ADD3: variants seen among roughly 807,000 people sequenced by gnomAD.
ADD3 encodes gamma-adducin.
A neutral mutation model predicts 80.2 loss-of-function variants in ADD3; 25 were observed. The observed-to-expected ratio is 0.31, with a 90% CI of 0.23 to 0.44. ADD3 has a LOEUF of 0.44. Among genes scored for constraint, ADD3 ranks in the 20% least tolerant of loss-of-function variants. The pLI is 1.00. For synonymous variants in ADD3, 284 were observed against 289.6 expected (o/e 0.98, Z 0.20); for missense variants, 829 against 847.5 (o/e 0.98, Z 0.27).
At chr10:110,088,063 T>G (rs1847024898) in intron 1 of ADD3, among the ~76,000 whole-genome samples, 1 of 152,196 alleles carries the variant, frequency 6.6e-6, no homozygotes, top group African/African-American at 2.4e-5. Flanking sequence ...GTGTCTTTTT[T>G]GTTACTTGGT....
At position 110,132,374 on chromosome 10, in the gene ADD3, C is replaced by G. The variant is rs139595633; in HGVS notation, c.1802C>G (p.Pro601Arg). The change falls in exon 14 of 15, where the codon CCG (proline) becomes CGG (arginine). Residue 601 changes from proline (P) to arginine (R), a missense_variant. Transcript: ENST00000356080. ...CAAATTCAGTCTCAAACTCAGTCAC[C>G]GCAAAATGTCCCTGAAAAATTAGAA... is the stretch of plus-strand genomic sequence containing the variant. ...VSQIQSQTQS[P>R]QNVPEKLEEN... is the part of the protein sequence containing the mutation. 4 of 1,613,204 alleles carry G rather than the reference C, an allele frequency of 2.5e-6. No individual in the cohort carries two copies. The South Asian group carries it at 4.4e-5, about 18-fold the overall frequency.
chr10:110,081,509 A>G (rs1846056391), intron 1 of ADD3, among the ~76,000 whole-genome samples: 1 of 152,220 alleles, frequency 6.6e-6, no homozygotes, highest in Non-Finnish European at 1.5e-5. Flanking sequence ...GTGTTTAAAA[A>G]GAAGGTCTTA....
At chr10:110,044,156 C>G (rs1208027040) in intron 1 of ADD3, among the ~76,000 whole-genome samples, 3 of 152,184 alleles carry the variant, frequency 2.0e-5, no homozygotes, top group Non-Finnish European at 2.9e-5. Flanking sequence ...GAGCCAAGAT[C>G]ATGCCCCTGA....
rs34106955 is a variant in ADD3, at chr10:110,134,330, C to CAAAAAAAAAA, written c.*720_*729dup. 1 of 137,324 alleles carries CAAAAAAAAAA rather than the reference C, an allele frequency of 7.3e-6. No homozygotes were observed. Among genetic ancestry groups the CAAAAAAAAAA allele is most frequent in the Non-Finnish European group, 1.6e-5 (1 of 61,136 alleles). The allele number at this position is 137,324 out of a possible 1,614,324, so 8.5% of individuals were successfully genotyped here. A position where few individuals can be genotyped will look rare whatever the true frequency, so the allele number is the denominator to read the frequency against. ...CATGGGTTATTTAGTTTAACTCTGG[C>CAAAAAAAAAA]AAAAAAAAAAAAAAAAATTTTGTAT... On this transcript the variant is annotated 3_prime_UTR_variant, in exon 15 of 15. Transcript: ENST00000356080.
intron 1 of ADD3, among the ~76,000 whole-genome samples, chr10:110,045,831 T>C (rs1856850348): frequency 6.6e-6 from 1 of 152,234 alleles, no homozygotes; most frequent in Non-Finnish European, 1.5e-5. Context: ...TTAACTCTCG[T>C]ACATACTGTA....
chr10:110,095,139 G>T (rs184827009), intron 1 of ADD3, among the ~76,000 whole-genome samples: 1 of 152,320 alleles, frequency 6.6e-6, no homozygotes, highest in African/African-American at 2.4e-5. Flanking sequence ...CTCGCCCATT[G>T]TGAGGACTAC....
chr10:110,081,680 A>G (rs1233402022), intron 1 of ADD3, among the ~76,000 whole-genome samples: 1 of 152,186 alleles, frequency 6.6e-6, no homozygotes, highest in Admixed American at 6.5e-5. Context: ...TCTGATGTAT[A>G]AAAAACTGTT....
intron 1 of ADD3, among the ~76,000 whole-genome samples, chr10:110,059,659 C>T (rs940070980): frequency 2.0e-5 from 3 of 152,058 alleles, no homozygotes; most frequent in Non-Finnish European, 2.9e-5. Context: ...GTCCCAGCTA[C>T]TCGGGAGGCT....
At chr10:110,112,642 T>C (rs1850194458) in intron 2 of ADD3, 135 bp from the exon 3 acceptor site, 2 of 1,043,844 alleles carry the variant, frequency 1.9e-6, no homozygotes, top group Non-Finnish European at 2.7e-6. Flanking sequence ...TTATTTTGTG[T>C]TTTATATTTG....
At chr10:110,056,741 T>C (rs1303491062) in intron 1 of ADD3, among the ~76,000 whole-genome samples, 1 of 152,198 alleles carries the variant, frequency 6.6e-6, no homozygotes, top group Non-Finnish European at 1.5e-5. Context: ...AGTATTGAAT[T>C]TGAAACAATT....
At chr10:110,114,820 G>A (rs1850492280) in intron 3 of ADD3, among the ~76,000 whole-genome samples, 1 of 152,136 alleles carries the variant, frequency 6.6e-6, no homozygotes, top group African/African-American at 2.4e-5. Flanking sequence ...GCTCATGTCT[G>A]TAATCCTAGC....
At chr10:110,018,526 C>CAAAAAAAAAA (rs59949041) in intron 1 of ADD3, among the ~76,000 whole-genome samples, 1 of 49,542 alleles carries the variant, frequency 2.0e-5, no homozygotes, top group African/African-American at 5.0e-5. Context: ...GACTTTGTCT[C>CAAAAAAAAAA]AAAAAAAAAA....
chr10:110,027,710 T>C (rs998501681), intron 1 of ADD3, among the ~76,000 whole-genome samples: 7 of 152,200 alleles, frequency 4.6e-5, no homozygotes, highest in Non-Finnish European at 8.8e-5. Context: ...TAGCAGTTTT[T>C]CTAGGGGGAC....
rs151219028 is a variant in ADD3, at chr10:110,098,964, G to T, written c.-29-1661G>T. Among the ~76,000 whole-genome samples the T allele has an allele frequency of 6.3e-4, 96 of 152,076 alleles. 1 individual carries two copies. Among genetic ancestry groups the T allele is most frequent in the South Asian group, 3.7e-3 (18 of 4,816 alleles). ...CTTTTTTGCCTCACTCCATCGCCCA[G>T]ACTGGAATGCAGTGGTGTGATCATG... On this transcript the variant is annotated intron_variant, in intron 1 of 14. Transcript: ENST00000356080.
chr10:110,119,682 C>T (rs1422826882), intron 8 of ADD3, 118 bp downstream of exon 8: 1 of 806,094 alleles, frequency 1.2e-6, no homozygotes, highest in East Asian at 2.6e-5. Context: ...AAGAGAAGTT[C>T]TGCTCTACTT....
chr10:110,067,548 T>G (rs1844117988), intron 1 of ADD3, among the ~76,000 whole-genome samples: 2 of 152,212 alleles, frequency 1.3e-5, no homozygotes, highest in South Asian at 2.1e-4. Flanking sequence ...GTCACAGTAT[T>G]GCTTATCTTG....
intron 1 of ADD3, among the ~76,000 whole-genome samples, chr10:110,026,758 C>A (rs998279255): frequency 5.3e-5 from 8 of 149,908 alleles, no homozygotes; most frequent in African/African-American, 2.0e-4. Context: ...TGTAATATTT[C>A]TTTTAAGTTA....
chr10:110,083,246 G>C (rs957944009), intron 1 of ADD3, among the ~76,000 whole-genome samples: 2 of 152,184 alleles, frequency 1.3e-5, no homozygotes, highest in Admixed American at 6.5e-5. Context: ...AGAATTCAAA[G>C]TATGGACAAA....
intron 4 of ADD3, 93 bp downstream of exon 4, chr10:110,116,503 G>T (rs1850746404): frequency 3.0e-6 from 4 of 1,319,872 alleles, no homozygotes; most frequent in Non-Finnish European, 4.2e-6. Context: ...CCAGTTTTCA[G>T]ACTTATTCTC....
Sources: gnomAD v4.1 joint callset for allele counts (sites outside exome capture counted in the v4.1 genomes callset) on GRCh38, gnomAD v4.1.1 for gene constraint, MANE v1.5 for transcripts, NCBI Gene and HGNC (gene_info 2026-07-23, HGNC 2026-07-21) for gene names.